KCNB2: variants seen among roughly 807,000 people sequenced by gnomAD.
The protein encoded by KCNB2 is potassium voltage-gated channel subfamily B member 2, also known as delayed rectifier potassium channel protein.
A neutral mutation model predicts 61.5 loss-of-function variants in KCNB2; 15 were observed. The ratio of observed to expected loss-of-function variants is 0.24; its 90% confidence interval spans 0.16 to 0.38. KCNB2 has a LOEUF of 0.38. KCNB2 is among the 10% of genes least tolerant of loss of function. KCNB2 has a pLI of 1.00. For missense variants in KCNB2, 828 were observed against 1,125.2 expected, an observed-to-expected ratio of 0.74 and a Z score of 3.78; for synonymous variants, 457 against 446.0, an observed-to-expected ratio of 1.02 and a Z score of -0.31.
intron 2 of KCNB2, among the ~76,000 whole-genome samples, chr8:72,777,195 T>C (rs1056782439): frequency 2.6e-5 from 4 of 152,180 alleles, no homozygotes; most frequent in Non-Finnish European, 5.9e-5. Context: ...GGTGAAATAG[T>C]GCTATCTAAA....
At chr8:72,868,526 C>T (rs992743705) in intron 2 of KCNB2, among the ~76,000 whole-genome samples, 12 of 151,662 alleles carry the variant, frequency 7.9e-5, no homozygotes, top group South Asian at 2.1e-4. Context: ...TGCAGTGAGC[C>T]GAGATAATGC....
chr8:72,928,971 G>T (rs2129008867), intron 2 of KCNB2, among the ~76,000 whole-genome samples: 1 of 152,104 alleles, frequency 6.6e-6, no homozygotes, highest in Middle Eastern at 3.4e-3. Context: ...CCCAATGCTG[G>T]CTAAAGGCAT....
intron 2 of KCNB2, among the ~76,000 whole-genome samples, chr8:72,725,571 A>ATATATGTATG (rs1554587059): frequency 1.1e-5 from 1 of 91,396 alleles, no homozygotes; most frequent in African/African-American, 5.3e-5. Flanking sequence ...ATATGTATAT[A>ATATATGTATG]TATGTATATA....
At chr8:72,547,599 A>G (rs954763450) in intron 1 of KCNB2, among the ~76,000 whole-genome samples, 1 of 152,224 alleles carries the variant, frequency 6.6e-6, no homozygotes, top group Non-Finnish European at 1.5e-5. Flanking sequence ...CATATGGTGG[A>G]GAGAAGGAGA....
At chr8:72,890,643 G>A (rs532729980) in intron 2 of KCNB2, among the ~76,000 whole-genome samples, 6 of 152,230 alleles carry the variant, frequency 3.9e-5, no homozygotes, top group Admixed American at 3.3e-4. Context: ...TGCCTACAGG[G>A]GGCATTATTT....
chr8:72,733,806 G>A (rs1419795356), intron 2 of KCNB2, among the ~76,000 whole-genome samples: 1 of 152,082 alleles, frequency 6.6e-6, no homozygotes, highest in Non-Finnish European at 1.5e-5. Flanking sequence ...GGATGACTCG[G>A]AAGGCACCTG....
chr8:72,587,367 G>A (rs1344757320), intron 2 of KCNB2, among the ~76,000 whole-genome samples: 1 of 152,134 alleles, frequency 6.6e-6, no homozygotes, highest in Non-Finnish European at 1.5e-5. Context: ...TGGTGGCTCA[G>A]TGAAAGAAGC....
At chr8:72,822,890 T>A (rs1474689260) in intron 2 of KCNB2, among the ~76,000 whole-genome samples, 1 of 152,120 alleles carries the variant, frequency 6.6e-6, no homozygotes, top group African/African-American at 2.4e-5. Flanking sequence ...TCCTAAAGAC[T>A]GTCCATGACA....
At chr8:72,819,209 C>T (rs1224778946) in intron 2 of KCNB2, among the ~76,000 whole-genome samples, 1 of 151,942 alleles carries the variant, frequency 6.6e-6, no homozygotes, top group Non-Finnish European at 1.5e-5. Flanking sequence ...CATTTTGTTG[C>T]TCTGCTTTCT....
chr8:72,814,608 A>G (rs1281543165), intron 2 of KCNB2, among the ~76,000 whole-genome samples: 1 of 152,200 alleles, frequency 6.6e-6, no homozygotes, highest in Non-Finnish European at 1.5e-5. Context: ...TAATTTTTTA[A>G]AAAAAGAAAA....
At chr8:72,603,156 G>A (rs1057156707) in intron 2 of KCNB2, among the ~76,000 whole-genome samples, 23 of 152,192 alleles carry the variant, frequency 1.5e-4, no homozygotes, top group Non-Finnish European at 3.2e-4. Context: ...TTATACTAAA[G>A]CACATGTGTG....
At chr8:72,748,919 A>G (rs916871963) in intron 2 of KCNB2, among the ~76,000 whole-genome samples, 6 of 152,152 alleles carry the variant, frequency 3.9e-5, no homozygotes, top group East Asian at 1.9e-4. Flanking sequence ...TATTAACCAC[A>G]GTCACCATAT....
chr8:72,601,232 A>ACATC (rs1805346852), intron 2 of KCNB2, among the ~76,000 whole-genome samples: 1 of 152,198 alleles, frequency 6.6e-6, no homozygotes, highest in African/African-American at 2.4e-5. Flanking sequence ...TGTGTTTATA[A>ACATC]CATCGGCCTT....
intron 2 of KCNB2, chr8:72,660,715 G>T (rs1230727212): frequency 6.6e-6 from 1 of 152,024 alleles, no homozygotes; most frequent in Non-Finnish European, 1.5e-5. Context: ...ACAGATTTTG[G>T]CTTGTATTTT....
At chr8:72,717,445 G>A (rs556630650) in intron 2 of KCNB2, among the ~76,000 whole-genome samples, 2 of 152,162 alleles carry the variant, frequency 1.3e-5, no homozygotes, top group African/African-American at 4.8e-5. Flanking sequence ...AAACAGCATG[G>A]TACTGGTACC....
intron 2 of KCNB2, among the ~76,000 whole-genome samples, chr8:72,795,806 G>A (rs1314016357): frequency 6.6e-6 from 1 of 152,022 alleles, no homozygotes; most frequent in African/African-American, 2.4e-5. Context: ...TCATACTGAT[G>A]GTAAAGAACA....
At chr8:72,577,585 A>C (rs1806818602) in intron 2 of KCNB2, among the ~76,000 whole-genome samples, 1 of 152,194 alleles carries the variant, frequency 6.6e-6, no homozygotes, top group Non-Finnish European at 1.5e-5. Flanking sequence ...TATTTTTATT[A>C]GTCTCCCAAG....
chr8:72,591,813 G>T (rs886594164), intron 2 of KCNB2, among the ~76,000 whole-genome samples: 1 of 151,920 alleles, frequency 6.6e-6, no homozygotes, highest in Admixed American at 6.6e-5. Context: ...ACATTCAATG[G>T]ATGTTTAGCA....
intron 2 of KCNB2, among the ~76,000 whole-genome samples, chr8:72,836,962 A>G (rs559060553): frequency 3.7e-4 from 57 of 152,330 alleles, no homozygotes; most frequent in Admixed American, 1.3e-3. Flanking sequence ...CCTTTTGTGC[A>G]GGTACTTCAA....
Sources: allele counts gnomAD v4.1 joint callset (sites outside exome capture counted in the v4.1 genomes callset), GRCh38; gene constraint gnomAD v4.1.1; transcripts MANE v1.5; gene names NCBI Gene and HGNC (gene_info 2026-07-23, HGNC 2026-07-21).